AUTS2: variants seen among roughly 807,000 people sequenced by gnomAD.
AUTS2 encodes activator of transcription and developmental regulator AUTS2.
Under a neutral mutation model 112.4 loss-of-function variants are expected in AUTS2, and 17 were observed. That is an observed-to-expected ratio of 0.15 (90% CI 0.10 to 0.23). The LOEUF (loss-of-function observed/expected upper bound fraction) is 0.23, where lower values mean the gene tolerates loss of function less well. Ranked by LOEUF, AUTS2 falls within the 10% of genes least tolerant of loss-of-function variation. The pLI, the probability that AUTS2 is intolerant of heterozygous loss-of-function variation, is 1.00. For synonymous variants in AUTS2, 751 were observed against 702.7 expected, an observed-to-expected ratio of 1.07 and a Z score of -1.09; for missense variants, 1,510 against 1,701.6, an observed-to-expected ratio of 0.89 and a Z score of 1.98.
At chr7:69,951,001 C>T (rs1797005462) in intron 2 of AUTS2, among the ~76,000 whole-genome samples, 1 of 151,514 alleles carries the variant, frequency 6.6e-6, no homozygotes, top group African/African-American at 2.4e-5. Flanking sequence ...AGGCTCCCTG[C>T]TCATGAGGAA....
chr7:69,753,712 T>G (rs1200174670), intron 1 of AUTS2, among the ~76,000 whole-genome samples: 1 of 152,228 alleles, frequency 6.6e-6, no homozygotes, highest in Non-Finnish European at 1.5e-5. Flanking sequence ...TTTTGGTATT[T>G]TGTCAAATGT....
At chr7:70,506,842 A>G (rs1462391647) in intron 5 of AUTS2, among the ~76,000 whole-genome samples, 1 of 152,210 alleles carries the variant, frequency 6.6e-6, no homozygotes. Flanking sequence ...AGGTACATGT[A>G]TGGTGTGTCC....
chr7:70,060,214 T>C (rs1802180351), intron 2 of AUTS2, among the ~76,000 whole-genome samples: 1 of 152,190 alleles, frequency 6.6e-6, no homozygotes, highest in Admixed American at 6.5e-5. Context: ...TTTGGTATGC[T>C]TCATCTCTTT....
chr7:69,909,987 A>G (rs1020053657), intron 2 of AUTS2, among the ~76,000 whole-genome samples: 3 of 152,214 alleles, frequency 2.0e-5, no homozygotes, highest in African/African-American at 7.2e-5. Context: ...GTTTTGAAAT[A>G]CAAAGCTGGG....
At chr7:70,309,755 C>G (rs913033151) in intron 4 of AUTS2, among the ~76,000 whole-genome samples, 1 of 152,148 alleles carries the variant, frequency 6.6e-6, no homozygotes, top group Non-Finnish European at 1.5e-5. Flanking sequence ...TAAGTAGATG[C>G]ATCAATAGGA....
chr7:70,387,255 A>G (rs1337442218), intron 4 of AUTS2, among the ~76,000 whole-genome samples: 1 of 152,172 alleles, frequency 6.6e-6, no homozygotes, highest in African/African-American at 2.4e-5. Context: ...GTTACTTTAC[A>G]GAAATGTCTC....
At chr7:70,496,313 TAC>T (rs1435535744) in intron 5 of AUTS2, among the ~76,000 whole-genome samples, 4 of 80,398 alleles carry the variant, frequency 5.0e-5, no homozygotes, top group Non-Finnish European at 9.5e-5. Flanking sequence ...ACACACCACG[TAC>T]ACAGTCACAC....
chr7:70,132,797 C>T (rs1806347690), intron 3 of AUTS2, among the ~76,000 whole-genome samples: 1 of 152,002 alleles, frequency 6.6e-6, no homozygotes, highest in South Asian at 2.1e-4. Context: ...GGTGGGAGTA[C>T]TTCTCTTTCT....
chr7:69,719,030 A>G (rs1798772964), intron 1 of AUTS2, among the ~76,000 whole-genome samples: 1 of 152,184 alleles, frequency 6.6e-6, no homozygotes, highest in Middle Eastern at 3.2e-3. Context: ...ACATTGTTAC[A>G]TCTCTTCAAA....
chr7:70,590,317 G>T (rs993259692), intron 5 of AUTS2, among the ~76,000 whole-genome samples: 2 of 152,150 alleles, frequency 1.3e-5, no homozygotes, highest in African/African-American at 4.8e-5. Context: ...AGCTTAGAGA[G>T]GTTGAAGCGA....
chr7:70,503,306 T>A (rs1480670350), intron 5 of AUTS2, among the ~76,000 whole-genome samples: 2 of 152,100 alleles, frequency 1.3e-5, no homozygotes, highest in African/African-American at 4.8e-5. Context: ...AGTCACTGTC[T>A]AATTAGACTT....
At chr7:69,877,380 AT>A (rs1257475900) in intron 1 of AUTS2, among the ~76,000 whole-genome samples, 92 of 152,328 alleles carry the variant, frequency 6.0e-4, no homozygotes, top group African/African-American at 2.0e-3. Context: ...TTAAAGTTTT[AT>A]ATTTATACTA....
At chr7:69,861,166 G>A (rs1792963939) in intron 1 of AUTS2, among the ~76,000 whole-genome samples, 1 of 152,136 alleles carries the variant, frequency 6.6e-6, no homozygotes, top group Non-Finnish European at 1.5e-5. Flanking sequence ...TTGATTTGTA[G>A]GAGGGGGTGG....
At chr7:69,666,191 C>G (rs1433202470) in intron 1 of AUTS2, among the ~76,000 whole-genome samples, 1 of 152,050 alleles carries the variant, frequency 6.6e-6, no homozygotes, top group African/African-American at 2.4e-5. Flanking sequence ...CACAGTCATA[C>G]ACATATAAAA....
chr7:70,682,429 T>C (rs1337842255), intron 5 of AUTS2, among the ~76,000 whole-genome samples: 3 of 152,242 alleles, frequency 2.0e-5, no homozygotes, highest in East Asian at 1.9e-4. Flanking sequence ...CTTTATCAAA[T>C]AGAAAACTTT....
chr7:69,744,992 A>C (rs984144971), intron 1 of AUTS2, among the ~76,000 whole-genome samples: 1 of 152,162 alleles, frequency 6.6e-6, no homozygotes, highest in African/African-American at 2.4e-5. Flanking sequence ...GCTGCAGTCC[A>C]TTTGGCTGCT....
intron 2 of AUTS2, among the ~76,000 whole-genome samples, chr7:70,095,969 A>G (rs1804174444): frequency 6.6e-6 from 1 of 152,214 alleles, no homozygotes; most frequent in African/African-American, 2.4e-5. Flanking sequence ...ATATACTTGT[A>G]TATAAACCCT....
At chr7:70,303,430 G>A (rs546611654) in intron 4 of AUTS2, among the ~76,000 whole-genome samples, 70 of 109,946 alleles carry the variant, frequency 6.4e-4, no homozygotes, top group African/African-American at 1.6e-3. Context: ...ACACGCGCGC[G>A]CGCGCACATA....
intron 14 of AUTS2, among the ~76,000 whole-genome samples, chr7:70,780,038 A>G (rs1170198488): frequency 3.3e-5 from 5 of 152,042 alleles, no homozygotes; most frequent in Non-Finnish European, 7.4e-5. Flanking sequence ...AAAAAAAAAA[A>G]AAAGAGTGAA....
Sources: gnomAD v4.1 joint callset for allele counts (sites outside exome capture counted in the v4.1 genomes callset) on GRCh38, gnomAD v4.1.1 for gene constraint, MANE v1.5 for transcripts, NCBI Gene and HGNC (gene_info 2026-07-23, HGNC 2026-07-21) for gene names.